KCNMA1: variants seen among roughly 807,000 people sequenced by gnomAD.
The protein encoded by KCNMA1 is Calcium-activated potassium channel subunit alpha-1.
A neutral mutation model predicts 140.0 loss-of-function variants in KCNMA1; 29 were observed. The ratio of observed to expected loss-of-function variants is 0.21; its 90% CI spans 0.15 to 0.28. The LOEUF (loss-of-function observed/expected upper bound fraction) is 0.28, where lower values mean the gene tolerates loss of function less well. Among genes scored for constraint, KCNMA1 ranks in the 10% least tolerant of loss-of-function variants. KCNMA1 has a pLI of 1.00. For missense variants in KCNMA1, 880 were observed against 1,602.2 expected (o/e 0.55, Z 7.70); for synonymous variants, 612 against 611.9 (o/e 1.00, Z 0.00).
At chr10:77,358,866 C>T (rs563819398) in intron 2 of KCNMA1, among the ~76,000 whole-genome samples, 3 of 152,332 alleles carry the variant, frequency 2.0e-5, no homozygotes, top group South Asian at 2.1e-4. Flanking sequence ...TCTTTGTCTT[C>T]GGATCCTGCC....
At position 77,637,712 on chromosome 10, in the gene KCNMA1, C is replaced by G; in HGVS notation, c.-70G>C. 7.1e-7 allele frequency: 1 copy of G among 1,406,468 alleles called. No homozygotes were observed. Among genetic ancestry groups the G allele is most frequent in the Admixed American group, 3.3e-5 (1 of 30,104 alleles). 87.1% of individuals were successfully genotyped at this position (1,406,468 alleles called of 1,614,324 possible). A position where few individuals can be genotyped will look rare whatever the true frequency, so the allele number is the denominator to read the frequency against. ...CCGCCGCCAGCGCCACCCCAAACAC[C>G]CATCAACAGCCATATTGCTGCTACT... On this transcript the variant is annotated 5_prime_UTR_variant, in exon 1 of 28. Transcript: ENST00000286628.
chr10:77,591,126 A>G (rs759865617), intron 1 of KCNMA1, among the ~76,000 whole-genome samples: 2 of 152,182 alleles, frequency 1.3e-5, no homozygotes, highest in African/African-American at 2.4e-5. Context: ...ACTTCATCTC[A>G]GCCAGCCAAG....
chr10:77,294,161 C>A (rs1028468365), intron 2 of KCNMA1, among the ~76,000 whole-genome samples: 1 of 152,234 alleles, frequency 6.6e-6, no homozygotes, highest in African/African-American at 2.4e-5. Context: ...TAGAATTTGA[C>A]AGAATAGCTT....
At chr10:77,443,024 C>T (rs752173345) in intron 1 of KCNMA1, among the ~76,000 whole-genome samples, 7 of 152,166 alleles carry the variant, frequency 4.6e-5, no homozygotes, top group Admixed American at 6.5e-5. Context: ...TTTTTTCGCT[C>T]ATGTGTTTGC....
chr10:77,238,825 T>C (rs570095147), intron 3 of KCNMA1, among the ~76,000 whole-genome samples: 18 of 152,304 alleles, frequency 1.2e-4, no homozygotes, highest in South Asian at 4.1e-4. Context: ...TGACCAACTA[T>C]AGGGTACCTG....
chr10:77,272,652 A>G (rs2065491837), intron 2 of KCNMA1, among the ~76,000 whole-genome samples: 1 of 152,178 alleles, frequency 6.6e-6, no homozygotes, highest in Admixed American at 6.5e-5. Flanking sequence ...ATATATATAC[A>G]CATGCATCTA....
rs2036788214 is a variant in KCNMA1 at position 76,886,095 on chromosome 10, A to G, written c.*1171T>C. The G allele has an allele frequency of 1.0e-6, 1 of 985,308 alleles. No individual in the cohort carries two copies. Among genetic ancestry groups the G allele is most frequent in the South Asian group, 4.7e-5 (1 of 21,288 alleles). The allele number at this position is 985,308 out of a possible 1,614,324, so 61.0% of individuals were successfully genotyped here. A position where few individuals can be genotyped will look rare whatever the true frequency, so the allele number is the denominator to read the frequency against. On this transcript the variant is annotated 3_prime_UTR_variant, in exon 28 of 28. Transcript: ENST00000286628. ...GGCTGGCTTTTGTCTTTGTTGAGTC[A>G]ACTGTGGCTGATCCTCCTACATTCT...
chr10:76,959,111 C>T (rs868028560), intron 20 of KCNMA1, among the ~76,000 whole-genome samples: 1 of 152,194 alleles, frequency 6.6e-6, no homozygotes, highest in South Asian at 2.1e-4. Flanking sequence ...TACCCCACCA[C>T]CAACATACAG....
At chr10:76,978,216 A>C (rs1266254182) in intron 19 of KCNMA1, among the ~76,000 whole-genome samples, 1 of 152,202 alleles carries the variant, frequency 6.6e-6, no homozygotes, top group Non-Finnish European at 1.5e-5. Flanking sequence ...CAAACTGATG[A>C]GTTTGTAATG....
intron 17 of KCNMA1, among the ~76,000 whole-genome samples, chr10:77,015,773 C>T (rs553240589): frequency 1.3e-5 from 2 of 151,988 alleles, no homozygotes; most frequent in South Asian, 4.2e-4. Flanking sequence ...CTCTTTTTTC[C>T]TCACTTCTGC....
At chr10:77,550,647 G>A (rs530464055) in intron 1 of KCNMA1, among the ~76,000 whole-genome samples, 2 of 152,330 alleles carry the variant, frequency 1.3e-5, no homozygotes, top group South Asian at 2.1e-4. Flanking sequence ...ACCAGGCCGC[G>A]TCTGGGCAGA....
At chr10:76,926,240 T>C (rs1337072332) in intron 23 of KCNMA1, among the ~76,000 whole-genome samples, 1 of 152,174 alleles carries the variant, frequency 6.6e-6, no homozygotes, top group Non-Finnish European at 1.5e-5. Flanking sequence ...ATACCATTTG[T>C]GGTCTAGAAC....
rs2093916035 is a variant in KCNMA1, at chr10:77,637,758, C to CGCG, written c.-119_-117dup. On this transcript the variant is annotated 5_prime_UTR_variant, in exon 1 of 28. Transcript: ENST00000286628. ...CTACTGCTGCCGCCGCCGCCGCCGCCGCGGAGCGCGGGAGGGGGGCGGGGA... is the reference window on the plus strand; with the variant it reads ...CTACTGCTGCCGCCGCCGCCGCCGCCGCGGCGGAGCGCGGGAGGGGGGCGGGGA... 6.1e-6 allele frequency: 8 copies of CGCG among 1,305,852 alleles called. No homozygotes were observed. The highest frequency in any genetic ancestry group is 6.7e-6 in the Non-Finnish European group (7 of 1,039,322). 80.9% of individuals were successfully genotyped at this position (1,305,852 alleles called of 1,614,324 possible).
intron 1 of KCNMA1, among the ~76,000 whole-genome samples, chr10:77,614,028 C>G (rs1439411477): frequency 1.3e-5 from 2 of 152,162 alleles, no homozygotes; most frequent in African/African-American, 4.8e-5. Flanking sequence ...AGGCCAATGC[C>G]TGGGTCACAC....
intron 2 of KCNMA1, among the ~76,000 whole-genome samples, chr10:77,371,971 T>C (rs2094758484): frequency 6.6e-6 from 1 of 152,240 alleles, no homozygotes; most frequent in Admixed American, 6.5e-5. Flanking sequence ...AACAGTTATC[T>C]TACCTACCTT....
chr10:77,081,740 C>T (rs1249835190), intron 12 of KCNMA1, among the ~76,000 whole-genome samples: 1 of 152,158 alleles, frequency 6.6e-6, no homozygotes. Flanking sequence ...GACTTTGAGC[C>T]TCTGTCAGCC....
intron 1 of KCNMA1, among the ~76,000 whole-genome samples, chr10:77,581,069 T>C (rs2075737169): frequency 6.6e-6 from 1 of 152,324 alleles, no homozygotes; most frequent in East Asian, 1.9e-4. Context: ...AAATTCTTCA[T>C]ACATTTTATA....
chr10:77,103,661 G>A (rs1440256965), intron 9 of KCNMA1, among the ~76,000 whole-genome samples: 1 of 152,196 alleles, frequency 6.6e-6, no homozygotes, highest in African/African-American at 2.4e-5. Flanking sequence ...CTCACTTTAG[G>A]TGTGGTTCAT....
At chr10:77,342,094 A>T (rs2091060770) in intron 2 of KCNMA1, among the ~76,000 whole-genome samples, 1 of 152,158 alleles carries the variant, frequency 6.6e-6, no homozygotes, top group Admixed American at 6.5e-5. Context: ...TTGCAGCTGC[A>T]CCAAGGAACA....
Sources: gnomAD v4.1 joint callset for allele counts (sites outside exome capture counted in the v4.1 genomes callset) on GRCh38, gnomAD v4.1.1 for gene constraint, MANE v1.5 for transcripts, NCBI Gene and HGNC (gene_info 2026-07-23, HGNC 2026-07-21) for gene names.